Variants in LRRC37A2 observed in about 807,000 individuals in gnomAD.
The protein encoded by LRRC37A2 is leucine-rich repeat-containing protein 37A2.
LRRC37A2 carries 9 observed loss-of-function variants against 68.8 expected under a neutral mutation model. That is an observed-to-expected ratio of 0.13 (90% CI 0.08 to 0.23). The LOEUF is 0.23. Among genes scored for constraint, LRRC37A2 ranks in the 10% least tolerant of loss-of-function variants. The probability of loss-of-function intolerance (pLI) is 1.00; values close to 1 mark genes in which losing one functional copy is unlikely to be tolerated. For synonymous variants in LRRC37A2, 63 were observed against 367.6 expected, an observed-to-expected ratio of 0.17 and a Z score of 9.48; for missense variants, 168 against 950.4, an observed-to-expected ratio of 0.18 and a Z score of 10.82.
At chr17:46,492,120 C>T in the LRRC37A2 span, among the ~76,000 whole-genome samples, 42 of 151,376 alleles carry the variant, frequency 2.8e-4, no homozygotes, top group Non-Finnish European at 5.1e-4. Flanking sequence ...CCCGCCACTA[C>T]GCCTGGCTAA....
At chr17:46,819,423 A>T in the LRRC37A2 span, among the ~76,000 whole-genome samples, 1 of 151,704 alleles carries the variant, frequency 6.6e-6, no homozygotes, top group South Asian at 2.1e-4. This position sits in a 1 kb window ranked among gnomAD's most constrained non-coding sequence, Gnocchi z 5.3. Flanking sequence ...AACTGACACC[A>T]GCGGCCAGTC....
At chr17:46,915,592 T>C in the LRRC37A2 span, among the ~76,000 whole-genome samples, 1 of 152,202 alleles carries the variant, frequency 6.6e-6, no homozygotes, top group Non-Finnish European at 1.5e-5. Context: ...GCAAGCAGGG[T>C]CCCTAGCTCA....
At chr17:46,749,861 A>G in the LRRC37A2 span, 1 of 1,614,220 alleles carries the variant, frequency 6.2e-7, no homozygotes, top group East Asian at 2.2e-5. Flanking sequence ...ACCACCATCC[A>G]CGTGCCCAAC....
chr17:46,991,440 A>C, the LRRC37A2 span, among the ~76,000 whole-genome samples: 6 of 152,168 alleles, frequency 3.9e-5, 1 homozygote, highest in East Asian at 7.7e-4. Flanking sequence ...CAGCCTGGCC[A>C]ACATGGTGAA....
the LRRC37A2 span, among the ~76,000 whole-genome samples, chr17:47,037,325 G>C: frequency 1.6e-3 from 237 of 151,998 alleles, no homozygotes; most frequent in Middle Eastern, 6.8e-3. Flanking sequence ...GGCTGCTCTC[G>C]AACTCCTAAC....
chr17:46,501,462 A>G, the LRRC37A2 span, among the ~76,000 whole-genome samples: 1 of 151,262 alleles, frequency 6.6e-6, no homozygotes, highest in Non-Finnish European at 1.5e-5. Context: ...GGTGTGGGCC[A>G]CCACGCCTGA....
chr17:46,795,892 A>ACACG, the LRRC37A2 span, among the ~76,000 whole-genome samples: 1 of 151,958 alleles, frequency 6.6e-6, no homozygotes, highest in Admixed American at 6.6e-5. Flanking sequence ...ACACACACAC[A>ACACG]CATGCATGCA....
At chr17:46,995,062 G>T in the LRRC37A2 span, among the ~76,000 whole-genome samples, 1 of 152,232 alleles carries the variant, frequency 6.6e-6, no homozygotes, top group African/African-American at 2.4e-5. Flanking sequence ...GGTAGAGGTT[G>T]CAGTGAGCAG....
chr17:46,764,246 T>TATCA, the LRRC37A2 span: 3 of 152,682 alleles, frequency 2.0e-5, no homozygotes, highest in Non-Finnish European at 2.9e-5. Context: ...CCCATGCTGA[T>TATCA]GTCTTGACTG....
the LRRC37A2 span, among the ~76,000 whole-genome samples, chr17:46,914,386 C>T: frequency 0.016 from 2,413 of 151,834 alleles, 62 homozygotes; most frequent in African/African-American, 0.056. Context: ...CAGTGGCTCA[C>T]GCCTGTAATC....
At chr17:46,934,934 T>C in the LRRC37A2 span, 3 of 1,073,392 alleles carry the variant, frequency 2.8e-6, no homozygotes, top group Non-Finnish European at 4.4e-6. Flanking sequence ...CCCCTCCGGC[T>C]GTTCTGGCTT....
At chr17:47,015,925 A>C in the LRRC37A2 span, among the ~76,000 whole-genome samples, 4 of 86,430 alleles carry the variant, frequency 4.6e-5, no homozygotes, top group African/African-American at 9.1e-5. Context: ...TGAATCTTGG[A>C]ATCTCTTCCA....
chr17:46,718,991 T>C, the LRRC37A2 span, among the ~76,000 whole-genome samples: 1 of 152,212 alleles, frequency 6.6e-6, no homozygotes, highest in Non-Finnish European at 1.5e-5. Flanking sequence ...CTCTTGGTTT[T>C]ATAAAGCCTA....
chr17:46,747,067 A>G, the LRRC37A2 span, among the ~76,000 whole-genome samples: 1 of 152,198 alleles, frequency 6.6e-6, no homozygotes, highest in Admixed American at 6.5e-5. Context: ...AAGGACCCCC[A>G]GTAATCAGCC....
the LRRC37A2 span, among the ~76,000 whole-genome samples, chr17:47,040,312 T>C: frequency 1.3e-5 from 2 of 150,978 alleles, no homozygotes; most frequent in African/African-American, 4.8e-5. Flanking sequence ...GTAAGTCTAA[T>C]ATCTGGTCTT....
chr17:46,769,498 C>A, the LRRC37A2 span, among the ~76,000 whole-genome samples: 6 of 152,280 alleles, frequency 3.9e-5, no homozygotes, highest in South Asian at 8.3e-4. Context: ...CACCGCGTGC[C>A]AAGGTGCACA....
chr17:46,931,701 G>T, the LRRC37A2 span: 2 of 331,242 alleles, frequency 6.0e-6, no homozygotes, highest in East Asian at 7.1e-5. Flanking sequence ...AAACTTTGTG[G>T]ATGCTTTACC....
the LRRC37A2 span, among the ~76,000 whole-genome samples, chr17:46,928,084 C>T: frequency 6.6e-6 from 1 of 152,078 alleles, no homozygotes. Flanking sequence ...TCCACACCCC[C>T]GCATCATCCC....
chr17:46,941,898 C>G, the LRRC37A2 span: 1 of 983,794 alleles, frequency 1.0e-6, no homozygotes, highest in Non-Finnish European at 1.2e-6. Flanking sequence ...TAAGGTGATT[C>G]TGATGTGTGT....
Sources: gnomAD v4.1 joint callset for allele counts (sites outside exome capture counted in the v4.1 genomes callset) on GRCh38, gnomAD v4.1.1 for gene constraint, Gnocchi (gnomAD v3.1) non-coding constraint, MANE v1.5 for transcripts, NCBI Gene and HGNC (gene_info 2026-07-23, HGNC 2026-07-21) for gene names.